The following MACROD2 variants were observed in gnomAD, a reference collection of about 807,000 sequenced individuals.
The protein encoded by MACROD2 is mono-ADP ribosylhydrolase 2.
A neutral mutation model predicts 70.4 loss-of-function variants in MACROD2; 36 were observed. The ratio of observed to expected loss-of-function variants is 0.51; its 90% confidence interval spans 0.39 to 0.68. The LOEUF (loss-of-function observed/expected upper bound fraction) is 0.68. Among genes scored for constraint, MACROD2 ranks in the 30% least tolerant of loss-of-function variants. The probability of loss-of-function intolerance (pLI) is 0.00; values close to 1 mark genes in which losing one functional copy is unlikely to be tolerated. For synonymous variants in MACROD2, 172 were observed against 178.8 expected (o/e 0.96, Z 0.30); for missense variants, 496 against 538.4 (o/e 0.92, Z 0.78).
At chr20:14,881,553 A>C (rs1413182978) in intron 5 of MACROD2, among the ~76,000 whole-genome samples, 5 of 151,940 alleles carry the variant, frequency 3.3e-5, no homozygotes, top group Non-Finnish European at 7.4e-5. Flanking sequence ...CCTCTTCAAG[A>C]AGTTTCGGGG....
intron 8 of MACROD2, among the ~76,000 whole-genome samples, chr20:15,701,582 A>G (rs1035120927): frequency 6.6e-6 from 1 of 152,166 alleles, no homozygotes; most frequent in African/African-American, 2.4e-5. Flanking sequence ...CTTTCAGTGT[A>G]TTCTAGGTAA....
rs144051722 is a variant in MACROD2 at position 15,967,016 on chromosome 20, C to T, written c.908-537C>T. Among the ~76,000 whole-genome samples, 421 of 152,146 alleles carry T rather than the reference C, an allele frequency of 2.8e-3. 1 individual carries two copies. Among genetic ancestry groups the T allele is most frequent in the African/African-American group, 9.8e-3 (407 of 41,502 alleles). ...CGATTCCATGTTTAAATGTGCTAAG[C>T]GAGGGAGGGAATGACCTTGCAGAGA... On this transcript the variant is annotated intron_variant, in intron 12 of 17. Coordinates refer to ENST00000684519, the MANE Select transcript of MACROD2 (RefSeq NM_001351661.2).
At chr20:14,924,029 T>C (rs962245203) in intron 5 of MACROD2, among the ~76,000 whole-genome samples, 1 of 152,208 alleles carries the variant, frequency 6.6e-6, no homozygotes, top group African/African-American at 2.4e-5. Context: ...ATAGATTGTA[T>C]CTATTTTCAG....
chr20:14,511,206 G>C (rs1222126855), intron 4 of MACROD2, among the ~76,000 whole-genome samples: 1 of 151,966 alleles, frequency 6.6e-6, no homozygotes, highest in African/African-American at 2.4e-5. Context: ...CTGAAGATTA[G>C]GGTTATTTTT....
chr20:15,451,076 A>G (rs2046634656), intron 7 of MACROD2, among the ~76,000 whole-genome samples: 1 of 152,144 alleles, frequency 6.6e-6, no homozygotes, highest in African/African-American at 2.4e-5. Flanking sequence ...GATAAGTAAC[A>G]TAAGTTATTT....
intron 5 of MACROD2, among the ~76,000 whole-genome samples, chr20:15,210,733 G>A (rs1254901201): frequency 6.6e-6 from 1 of 151,958 alleles, no homozygotes; most frequent in Non-Finnish European, 1.5e-5. Context: ...GTTCTCATGA[G>A]ATCGTTGTTT....
chr20:14,468,126 C>T (rs1240068015), intron 3 of MACROD2, among the ~76,000 whole-genome samples: 1 of 151,954 alleles, frequency 6.6e-6, no homozygotes, highest in Admixed American at 6.6e-5. Context: ...CCTATTAGGT[C>T]TGCTTGGTCC....
At chr20:14,469,914 T>C (rs1222846240) in intron 3 of MACROD2, among the ~76,000 whole-genome samples, 1 of 152,096 alleles carries the variant, frequency 6.6e-6, no homozygotes, top group Non-Finnish European at 1.5e-5. Context: ...TCTCACCCTC[T>C]GAAGCCTACT....
intron 3 of MACROD2, among the ~76,000 whole-genome samples, chr20:14,232,085 A>G (rs933656176): frequency 2.4e-4 from 37 of 152,088 alleles, no homozygotes; most frequent in Admixed American, 5.2e-4. Flanking sequence ...CTCCCATTCT[A>G]TAGGTTGCCT....
At chr20:15,581,374 CTT>C (rs927767852) in intron 8 of MACROD2, among the ~76,000 whole-genome samples, 2 of 152,150 alleles carry the variant, frequency 1.3e-5, no homozygotes, top group Admixed American at 1.3e-4. Context: ...ATTATTTGGT[CTT>C]TTTAAATTTG....
chr20:15,290,903 A>G (rs1231269732), intron 6 of MACROD2, among the ~76,000 whole-genome samples: 2 of 152,220 alleles, frequency 1.3e-5, no homozygotes, highest in East Asian at 3.9e-4. Flanking sequence ...ATAACATGCT[A>G]TTCCTACAGA....
chr20:15,649,713 G>T (rs917775340), intron 8 of MACROD2, among the ~76,000 whole-genome samples: 1 of 152,140 alleles, frequency 6.6e-6, no homozygotes, highest in Non-Finnish European at 1.5e-5. Context: ...AGACAAATTA[G>T]GGTCTACTTT....
chr20:14,752,565 C>T (rs1403127274), intron 5 of MACROD2, among the ~76,000 whole-genome samples: 1 of 152,124 alleles, frequency 6.6e-6, no homozygotes, highest in African/African-American at 2.4e-5. Flanking sequence ...CTTTTGCCCC[C>T]ATCTGATCTG....
At chr20:14,918,721 A>G (rs1012398691) in intron 5 of MACROD2, among the ~76,000 whole-genome samples, 1 of 151,784 alleles carries the variant, frequency 6.6e-6, no homozygotes, top group Non-Finnish European at 1.5e-5. Flanking sequence ...CTGAAACCAA[A>G]TTCAAGTCCT....
chr20:15,301,754 T>G (rs1416203870), intron 6 of MACROD2, among the ~76,000 whole-genome samples: 2 of 151,954 alleles, frequency 1.3e-5, no homozygotes, highest in African/African-American at 4.8e-5. Flanking sequence ...CTTAAAGAAG[T>G]GATTTGTCTT....
At chr20:14,122,495 T>G (rs1472766743) in intron 3 of MACROD2, among the ~76,000 whole-genome samples, 1 of 152,196 alleles carries the variant, frequency 6.6e-6, no homozygotes, top group East Asian at 1.9e-4. Context: ...TCAGTTAATC[T>G]GTAACCCTTT....
At chr20:15,096,448 A>ATATATATAAATATATATAAATACGTATT (rs1568571212) in intron 5 of MACROD2, among the ~76,000 whole-genome samples, 4 of 147,988 alleles carry the variant, frequency 2.7e-5, no homozygotes, top group Non-Finnish European at 6.0e-5. Context: ...CCATGCTAAT[A>ATATATATAAATATATATAAATACGTATT]TATATATAAA....
At chr20:15,437,073 A>G (rs2046436793) in intron 7 of MACROD2, among the ~76,000 whole-genome samples, 1 of 152,164 alleles carries the variant, frequency 6.6e-6, no homozygotes, top group Non-Finnish European at 1.5e-5. Context: ...AATGTGTGAG[A>G]GGGAGGGAAA....
In MACROD2 at chr20:14,180,968, C is replaced by T. The variant is rs2081300450; in HGVS notation, c.271+95240C>T. Among the ~76,000 whole-genome samples, 3 of 152,032 alleles carry T rather than the reference C, an allele frequency of 2.0e-5. No individual in the cohort carries two copies. In the South Asian group the frequency reaches 6.2e-4, roughly 32 times the overall value. On this transcript the variant is annotated intron_variant, in intron 3 of 17. Transcript: ENST00000684519. The stretch of plus-strand genomic sequence containing the variant: ...TTGACTTGGAAGAAACATGTATTCA[C>T]TATCTGAAAATTTATACAGAAAGAT...
Sources: gnomAD v4.1 joint callset for allele counts (sites outside exome capture counted in the v4.1 genomes callset) on GRCh38, gnomAD v4.1.1 for gene constraint, MANE v1.5 for transcripts, NCBI Gene and HGNC (gene_info 2026-07-23, HGNC 2026-07-21) for gene names.